ARFGEF2: variants seen among roughly 807,000 people sequenced by gnomAD.
ARFGEF2 encodes brefeldin A-inhibited guanine nucleotide-exchange protein 2.
In ARFGEF2, 74 loss-of-function variants were observed where a neutral mutation model predicts 219.9. The ratio of observed to expected loss-of-function variants is 0.34; its 90% CI spans 0.28 to 0.41. ARFGEF2 has a LOEUF of 0.41. Ranked by LOEUF, ARFGEF2 falls within the 10% of genes least tolerant of loss-of-function variation. ARFGEF2 has a pLI of 1.00. For missense variants in ARFGEF2, 1,743 were observed against 2,218.3 expected (o/e 0.79, Z 4.30); for synonymous variants, 733 against 799.2 (o/e 0.92, Z 1.40).
rs375773061 is a variant in ARFGEF2, at chr20:48,998,253, G to A, written c.3262+20G>A. On this transcript the variant is annotated intron_variant, in intron 24 of 38. Transcript: ENST00000371917. ...CAATAGGTATGTATTTGACTTACCT[G>A]TGAAAACTGCAGAAGCCTCACGCTG... The A allele has an allele frequency of 1.1e-5, 17 of 1,613,998 alleles. No individual in the cohort carries two copies. The highest frequency in any genetic ancestry group is 1.4e-5 in the Non-Finnish European group (17 of 1,179,988).
rs867871583 is a variant in ARFGEF2 at position 49,036,009 on chromosome 20, G to T, written c.*2810G>T. 1.5e-5 allele frequency: 6 copies of T among 390,596 alleles called. No homozygotes were observed. Among genetic ancestry groups the T allele is most frequent in the Middle Eastern group, 6.5e-4 (1 of 1,532 alleles). The allele number at this position is 390,596 out of a possible 1,614,324, so 24.2% of individuals were successfully genotyped here. On this transcript the variant is annotated 3_prime_UTR_variant, in exon 39 of 39. Coordinates refer to ENST00000371917, the MANE Select transcript of ARFGEF2 (RefSeq NM_006420.3). The stretch of plus-strand genomic sequence containing the variant: ...GTACGAAATGAAAAAAAAAAAACCT[G>T]TATTTTTTTTGTTGTTCTTTTGTGA...
At position 49,034,962 on chromosome 20, in the gene ARFGEF2, T is replaced by C. The variant is rs529929964; in HGVS notation, c.*1763T>C. On this transcript the variant is annotated 3_prime_UTR_variant, in exon 39 of 39. Transcript: ENST00000371917. ...TGTATAATTTAGCAGGAAGGGACTA[T>C]GGGAGAATACTTTACTGTGAGTGGA... The C allele has an allele frequency of 6.6e-6, 1 of 152,338 alleles. No individual in the cohort carries two copies. Among genetic ancestry groups the C allele is most frequent in the South Asian group, 2.1e-4 (1 of 4,828 alleles). The allele number at this position is 152,338 out of a possible 1,614,324, so 9.4% of individuals were successfully genotyped here.
At chr20:48,980,856 T>C (rs2091291433) in intron 14 of ARFGEF2, among the ~76,000 whole-genome samples, 1 of 152,338 alleles carries the variant, frequency 6.6e-6, no homozygotes, top group East Asian at 1.9e-4. Flanking sequence ...TCCATCCCTA[T>C]ATTTTGAGCC....
intron 6 of ARFGEF2, among the ~76,000 whole-genome samples, chr20:48,955,124 C>G (rs547348240): frequency 6.6e-6 from 1 of 152,216 alleles, no homozygotes; most frequent in East Asian, 1.9e-4. Context: ...TGGTAATTCC[C>G]CATCCTGTGC....
chr20:48,968,410 A>G (rs150391418), intron 8 of ARFGEF2, among the ~76,000 whole-genome samples: 149 of 149,324 alleles, frequency 1.0e-3, no homozygotes, highest in Non-Finnish European at 1.8e-3. Context: ...TAGTTGCAAT[A>G]GTATTCTTTT....
At chr20:48,953,262 A>G (rs2091082911) in intron 5 of ARFGEF2, among the ~76,000 whole-genome samples, 1 of 148,566 alleles carries the variant, frequency 6.7e-6, no homozygotes. Context: ...TGCAGGCTTG[A>G]CCTTCCCAGC....
At chr20:48,984,361 C>T (rs1466399641) in intron 14 of ARFGEF2, among the ~76,000 whole-genome samples, 1 of 152,198 alleles carries the variant, frequency 6.6e-6, no homozygotes, top group Non-Finnish European at 1.5e-5. Context: ...CCTAGAAGTA[C>T]CCACACCACT....
intron 8 of ARFGEF2, among the ~76,000 whole-genome samples, chr20:48,966,301 T>A (rs1416187336): frequency 6.6e-6 from 1 of 152,218 alleles, no homozygotes; most frequent in Non-Finnish European, 1.5e-5. Context: ...TAGTATACAT[T>A]CATTATAGAA....
chr20:48,990,405 A>G (rs1285036287), intron 20 of ARFGEF2, among the ~76,000 whole-genome samples: 1 of 152,236 alleles, frequency 6.6e-6, no homozygotes, highest in Non-Finnish European at 1.5e-5. Context: ...TGAAACTTGA[A>G]AAGTTCAAGC....
intron 9 of ARFGEF2, among the ~76,000 whole-genome samples, chr20:48,970,527 T>C (rs1431959477): frequency 6.6e-6 from 1 of 151,746 alleles, no homozygotes; most frequent in African/African-American, 2.4e-5. Context: ...GGAGAATCGC[T>C]TGAACCCAGG....
intron 26 of ARFGEF2, 95 bp downstream of exon 26, chr20:49,005,316 C>T: frequency 1.3e-6 from 2 of 1,481,742 alleles, no homozygotes; most frequent in Non-Finnish European, 1.9e-6. Flanking sequence ...TTTTTTTCCT[C>T]CCTTGTCAGT....
In ARFGEF2 at chr20:48,970,102, G is replaced by A. The variant is rs554520715; in HGVS notation, c.1190+825G>A. On this transcript the variant is annotated intron_variant, in intron 9 of 38. Coordinates refer to ENST00000371917, the MANE Select transcript of ARFGEF2 (RefSeq NM_006420.3). Reference sequence around the variant, plus strand: ...GGCCAAGGCGGGTGGATCACTTGAGGCCAGGAGTTCGAGACCAGCCTGGCC... The same window carrying A: ...GGCCAAGGCGGGTGGATCACTTGAGACCAGGAGTTCGAGACCAGCCTGGCC... Among the ~76,000 whole-genome samples, 6 of 150,482 alleles carry A rather than the reference G, an allele frequency of 4.0e-5. No individual in the cohort carries two copies. The South Asian group carries it at 1.3e-3, about 32-fold the overall frequency.
chr20:48,949,319 G>T (rs1406289409), intron 3 of ARFGEF2, among the ~76,000 whole-genome samples: 2 of 152,142 alleles, frequency 1.3e-5, no homozygotes, highest in Admixed American at 6.5e-5. Context: ...GGAGTTCCTA[G>T]ACCACCCCAC....
chr20:48,987,434 ATTG>A (rs368221968), intron 16 of ARFGEF2, among the ~76,000 whole-genome samples: 151 of 152,366 alleles, frequency 9.9e-4, no homozygotes, highest in African/African-American at 3.5e-3. Flanking sequence ...TCACCAACAT[ATTG>A]TTTAGAACAA....
At chr20:48,929,553 A>G (rs966261094) in intron 1 of ARFGEF2, among the ~76,000 whole-genome samples, 3 of 87,838 alleles carry the variant, frequency 3.4e-5, no homozygotes, top group Non-Finnish European at 8.3e-5. Flanking sequence ...CCTCTAGGTC[A>G]TAATAACAAC....
At chr20:49,001,327 A>G (rs955992923) in intron 25 of ARFGEF2, among the ~76,000 whole-genome samples, 3 of 152,134 alleles carry the variant, frequency 2.0e-5, no homozygotes, top group Non-Finnish European at 4.4e-5. Context: ...GGCATGAACC[A>G]CCGTGCCCGG....
intron 25 of ARFGEF2, chr20:48,999,341 C>T (rs1268057647): frequency 2.6e-6 from 1 of 381,914 alleles, no homozygotes; most frequent in Non-Finnish European, 5.1e-6. Flanking sequence ...GAACTTCTTC[C>T]TCGTTACCAG....
rs1474622939 is a variant in ARFGEF2 at position 48,988,543 on chromosome 20, A to T, written c.2414A>T (p.Asn805Ile). 6.2e-7 allele frequency: 1 copy of T among 1,613,768 alleles called. No homozygotes were observed. Among genetic ancestry groups the T allele is most frequent in the Non-Finnish European group, 8.5e-7 (1 of 1,179,782 alleles). ...EQYIKMNRGI[N>I]DSKDLPEEYL... The stretch of plus-strand genomic sequence containing the variant: ...TATATTAAAATGAATCGGGGTATCA[A>T]TGATAGTAAAGATCTGCCAGAAGAG... The change falls in exon 18 of 39, where the codon AAT (asparagine) becomes ATT (isoleucine). Residue 805 changes from asparagine to isoleucine, a missense_variant. Transcript: ENST00000371917.
chr20:48,922,155 C>G, intron 1 of ARFGEF2, 145 bp downstream of exon 1: 1 of 1,325,074 alleles, frequency 7.5e-7, no homozygotes, highest in Non-Finnish European at 1.0e-6. Flanking sequence ...TCATTATACC[C>G]CCGGAGGAAG....
Sources: allele counts gnomAD v4.1 joint callset (sites outside exome capture counted in the v4.1 genomes callset), GRCh38; gene constraint gnomAD v4.1.1; transcripts MANE v1.5; gene names NCBI Gene and HGNC (gene_info 2026-07-23, HGNC 2026-07-21).